SNTB2: variants seen among roughly 807,000 people sequenced by gnomAD.
SNTB2 encodes the protein syntrophin beta 2, also known as beta-2-syntrophin.
In SNTB2, 34 loss-of-function variants were observed where a neutral mutation model predicts 46.2. The observed-to-expected ratio is 0.74, with a 90% CI of 0.56 to 0.98. The LOEUF (loss-of-function observed/expected upper bound fraction) is 0.98. Ranked by LOEUF, SNTB2 falls within the 50% of genes least tolerant of loss-of-function variation. The pLI is 0.00. For synonymous variants in SNTB2, 290 were observed against 312.6 expected (o/e 0.93, Z 0.76); for missense variants, 603 against 731.4 (o/e 0.82, Z 2.02).
chr16:69,280,305 C>T (rs1172947324), intron 4 of SNTB2, among the ~76,000 whole-genome samples: 1 of 152,206 alleles, frequency 6.6e-6, no homozygotes, highest in Non-Finnish European at 1.5e-5. Context: ...CAATCCTTTC[C>T]CCACCTTTCC....
intron 5 of SNTB2, among the ~76,000 whole-genome samples, chr16:69,284,459 TAAAAAAAAAAAAAAAAAAAAA>T (rs3087058): frequency 4.4e-5 from 2 of 45,866 alleles, no homozygotes; most frequent in African/African-American, 1.7e-4. Flanking sequence ...CCGTCTTTAC[TAAAAAAAAAAAAAAAAAAAAA>T]AAAAAAAAAA....
At chr16:69,293,931 C>T (rs1284197005) in intron 5 of SNTB2, among the ~76,000 whole-genome samples, 1 of 152,152 alleles carries the variant, frequency 6.6e-6, no homozygotes, top group Non-Finnish European at 1.5e-5. Flanking sequence ...GTAATTTGGG[C>T]CATAGACATC....
chr16:69,241,076 T>C (rs565841968), intron 1 of SNTB2, among the ~76,000 whole-genome samples: 1 of 150,806 alleles, frequency 6.6e-6, no homozygotes, highest in African/African-American at 2.4e-5. Flanking sequence ...GCCAGGCTGG[T>C]CTTGAACTCC....
At chr16:69,192,560 A>G (rs1376091212) in intron 1 of SNTB2, among the ~76,000 whole-genome samples, 1 of 152,250 alleles carries the variant, frequency 6.6e-6, no homozygotes, top group Non-Finnish European at 1.5e-5. Context: ...TGGAATGAGA[A>G]CATATTCTTC....
intron 5 of SNTB2, among the ~76,000 whole-genome samples, chr16:69,293,411 A>G (rs1445741026): frequency 6.6e-6 from 1 of 152,214 alleles, no homozygotes; most frequent in African/African-American, 2.4e-5. Context: ...AATTAGTACT[A>G]CAAGTGCCAA....
intron 2 of SNTB2, among the ~76,000 whole-genome samples, chr16:69,257,813 G>A (rs1165033934): frequency 6.6e-6 from 1 of 152,096 alleles, no homozygotes; most frequent in Admixed American, 6.6e-5. Context: ...ATAGAACTTT[G>A]ACAGCATATA....
Position 69,187,575 on chromosome 16 carries a change from C to T in SNTB2, c.409C>T (p.Arg137Trp), listed in dbSNP as rs1196456199. 2 of 1,528,394 alleles carry T rather than the reference C, an allele frequency of 1.3e-6. No homozygotes were observed. The highest frequency in any genetic ancestry group is 1.4e-5 in the African/African-American group (1 of 70,134). The allele number at this position is 1,528,394 out of a possible 1,614,324, so 94.7% of individuals were successfully genotyped here. The change falls in exon 1 of 7, where the codon CGG (arginine) becomes TGG (tryptophan). Residue 137 changes from arginine to tryptophan, a missense_variant. Arg to Trp is a moderately radical substitution (Grantham distance 101). Around this residue, in one of 2 missense-constraint regions of SNTB2, gnomAD observed 537 missense variants for 692.4 expected, o/e 0.78. Coordinates refer to ENST00000336278, the MANE Select transcript of SNTB2 (RefSeq NM_006750.4). ...GISIKGGREN[R>W]MPILISKIFP... ...CAGCATCAAGGGCGGCCGCGAGAACCGGATGCCGATCCTCATCTCCAAGAT... is the reference window on the plus strand; with the variant it reads ...CAGCATCAAGGGCGGCCGCGAGAACTGGATGCCGATCCTCATCTCCAAGAT...
At chr16:69,259,131 T>C (rs1049364679) in intron 2 of SNTB2, among the ~76,000 whole-genome samples, 24 of 152,072 alleles carry the variant, frequency 1.6e-4, no homozygotes, top group African/African-American at 5.5e-4. Context: ...TACAGTAAGT[T>C]CCCTCAGCTT....
chr16:69,196,019 C>T (rs756121170), intron 1 of SNTB2, among the ~76,000 whole-genome samples: 57 of 152,276 alleles, frequency 3.7e-4, no homozygotes, highest in Admixed American at 6.5e-4. Flanking sequence ...GGTGGAATCA[C>T]TTCAGCCTAG....
chr16:69,245,493 C>G, intron 1 of SNTB2, 109 bp from the exon 2 acceptor site: 1 of 1,131,534 alleles, frequency 8.8e-7, no homozygotes, highest in Non-Finnish European at 1.3e-6. Flanking sequence ...CCGCGCCCAG[C>G]TCTTTCCTCC....
At chr16:69,270,008 A>T (rs2143118324) in intron 3 of SNTB2, 135 bp from the exon 4 acceptor site, 1 of 938,094 alleles carries the variant, frequency 1.1e-6, no homozygotes, top group Non-Finnish European at 1.7e-6. Context: ...ACTTGGTGAG[A>T]TGTTTCCTGA....
At chr16:69,244,416 T>C (rs1392916715) in intron 1 of SNTB2, among the ~76,000 whole-genome samples, 2 of 152,244 alleles carry the variant, frequency 1.3e-5, no homozygotes, top group Non-Finnish European at 2.9e-5. Flanking sequence ...ACAGGGTAGC[T>C]AGAAATCTGG....
Position 69,245,649 on chromosome 16 carries a change from G to A in SNTB2, c.628G>A (p.Val210Ile). ...ACCATATATCAAGAAGCCATCATTA[G>A]TATCAGATCTGCCGTGGGAAGGTGC... ...VTPYIKKPSL[V>I]SDLPWEGAAP... Residue 210 changes from valine to isoleucine, a missense_variant, in exon 2 of 7, where the codon GTA becomes ATA. Physicochemically the swap from Val to Ile is conservative, Grantham distance 29. Transcript: ENST00000336278. 6.2e-7 allele frequency: 1 copy of A among 1,614,052 alleles called. No homozygotes were observed. Among genetic ancestry groups the A allele is most frequent in the South Asian group, 1.1e-5 (1 of 91,074 alleles).
intron 2 of SNTB2, among the ~76,000 whole-genome samples, chr16:69,249,316 G>A (rs1020080375): frequency 3.3e-5 from 5 of 152,084 alleles, no homozygotes; most frequent in Non-Finnish European, 5.9e-5. Context: ...ATGAGCCACC[G>A]CTCCCGGCCA....
rs749277147 is a variant in SNTB2 at position 69,299,745 on chromosome 16, T to C, written c.1501T>C (p.Leu501=). ...TGATGATGGCATCCGAAATCTATAC[T>C]TGGATTTTGGTGGTCCCGAGGGAGA... ...SADDGIRNLY[L]DFGGPEGELT... is the part of the protein sequence containing the mutation. The change falls in exon 6 of 7, where the codon TTG becomes CTG. Residue 501 remains leucine, a synonymous_variant. Coordinates refer to ENST00000336278, the MANE Select transcript of SNTB2 (RefSeq NM_006750.4). 3 of 1,614,036 alleles carry C rather than the reference T, an allele frequency of 1.9e-6. No homozygotes were observed. In the African/African-American group the frequency reaches 4.0e-5, roughly 22 times the overall value.
At chr16:69,240,068 G>C (rs958537119) in intron 1 of SNTB2, among the ~76,000 whole-genome samples, 1 of 152,074 alleles carries the variant, frequency 6.6e-6, no homozygotes, top group Non-Finnish European at 1.5e-5. Context: ...TGGTACTTAC[G>C]AATAGAGCTG....
chr16:69,228,234 G>A (rs1399226770), intron 1 of SNTB2, among the ~76,000 whole-genome samples: 2 of 151,892 alleles, frequency 1.3e-5, no homozygotes, highest in Admixed American at 6.6e-5. Context: ...GACCGGCCGC[G>A]GTGGCTGATG....
intron 5 of SNTB2, among the ~76,000 whole-genome samples, chr16:69,290,711 A>G (rs1234359543): frequency 6.6e-6 from 1 of 152,226 alleles, no homozygotes; most frequent in Non-Finnish European, 1.5e-5. Flanking sequence ...AATAATAGGT[A>G]TGTATCAGGA....
At position 69,304,489 on chromosome 16, in the gene SNTB2, A is replaced by G. The variant is rs1334821051; in HGVS notation, c.*3565A>G. The G allele has an allele frequency of 6.6e-6, 1 of 152,604 alleles. No homozygotes were observed. The highest frequency in any genetic ancestry group is 1.5e-5 in the Non-Finnish European group (1 of 68,042). The allele number at this position is 152,604 out of a possible 1,614,324, so 9.5% of individuals were successfully genotyped here. ...TTACTCAAAATTATTGCATGGCAGG[A>G]GAGATTGGATTATTTATTTCTTATA... On this transcript the variant is annotated 3_prime_UTR_variant, in exon 7 of 7. Coordinates refer to ENST00000336278, the MANE Select transcript of SNTB2 (RefSeq NM_006750.4).
Sources: allele counts gnomAD v4.1 joint callset (sites outside exome capture counted in the v4.1 genomes callset), GRCh38; gene constraint gnomAD v4.1.1; regional missense constraint gnomAD v4.1.1; transcripts MANE v1.5; gene names NCBI Gene and HGNC (gene_info 2026-07-23, HGNC 2026-07-21).